Variants in CERT1 observed in about 807,000 individuals in gnomAD.
CERT1 encodes the protein ceramide transporter 1.
In CERT1, 31 loss-of-function variants were observed where a neutral mutation model predicts 87.9. That is an observed-to-expected ratio of 0.35 (90% confidence interval 0.27 to 0.48). The LOEUF (loss-of-function observed/expected upper bound fraction) is 0.48, where lower values mean the gene tolerates loss of function less well. Ranked by LOEUF, CERT1 falls within the 20% of genes least tolerant of loss-of-function variation. The pLI is 0.99. For missense variants in CERT1, 487 were observed against 758.0 expected (o/e 0.64, Z 4.20); for synonymous variants, 289 against 250.9 (o/e 1.15, Z -1.44).
intron 2 of CERT1, among the ~76,000 whole-genome samples, chr5:75,481,966 A>G (rs1766267427): frequency 6.6e-6 from 1 of 152,206 alleles, no homozygotes; most frequent in South Asian, 2.1e-4. Context: ...CCCAAAATAT[A>G]TTTTTACAAT....
chr5:75,389,507 C>T (rs1234485309), intron 12 of CERT1, 85 bp downstream of exon 12: 1 of 972,600 alleles, frequency 1.0e-6, no homozygotes, highest in African/African-American at 1.6e-5. Context: ...GTTGAAAGTG[C>T]TATCCTTATT....
chr5:75,449,080 C>T (rs1363941136), intron 3 of CERT1, among the ~76,000 whole-genome samples: 1 of 152,160 alleles, frequency 6.6e-6, no homozygotes, highest in African/African-American at 2.4e-5. Flanking sequence ...CTACCCCTTC[C>T]TTTAAACTTT....
intron 17 of CERT1, chr5:75,369,567 T>A (rs1761012303): frequency 1.3e-5 from 2 of 151,546 alleles, no homozygotes; most frequent in African/African-American, 4.8e-5. Context: ...CCCAACCTGT[T>A]CCCTCATCTG....
chr5:75,396,716 C>T (rs574414768), intron 11 of CERT1, among the ~76,000 whole-genome samples: 4 of 127,456 alleles, frequency 3.1e-5, no homozygotes, highest in East Asian at 4.3e-4. Flanking sequence ...GCAACAAAAG[C>T]GAAACTCCGT....
At chr5:75,419,472 T>C (rs747803066) in intron 5 of CERT1, 48 bp from the exon 6 acceptor site, 19 of 1,244,900 alleles carry the variant, frequency 1.5e-5, no homozygotes, top group Non-Finnish European at 2.2e-5. Context: ...AAATAGAAAT[T>C]AATGTCTATT....
At chr5:75,504,182 C>T (rs369875280) in intron 2 of CERT1, among the ~76,000 whole-genome samples, 4 of 152,000 alleles carry the variant, frequency 2.6e-5, no homozygotes, top group East Asian at 3.9e-4. Flanking sequence ...ACTTCAAGAT[C>T]GCAAGGTACA....
chr5:75,464,388 A>G (rs563368885), intron 2 of CERT1, among the ~76,000 whole-genome samples: 1 of 152,198 alleles, frequency 6.6e-6, no homozygotes, highest in East Asian at 1.9e-4. Flanking sequence ...CCTACTCTCC[A>G]CCCTCTGGAC....
rs548834630 is a variant in CERT1, at chr5:75,440,333, A to G, written c.349-13855T>C. 4.0e-4 allele frequency among the ~76,000 whole-genome samples: 61 copies of G among 152,254 alleles called. No homozygotes were observed. In the South Asian group the frequency reaches 5.8e-3, roughly 14 times the overall value. ...CAATGGTCTAAAACCTAGGTACAGT[A>G]CAATTAACTTCACTGAATACCCTAT... is the stretch of plus-strand genomic sequence containing the variant. On this transcript the variant is annotated intron_variant, in intron 3 of 16. Transcript: ENST00000643780.
intron 2 of CERT1, among the ~76,000 whole-genome samples, chr5:75,491,084 T>C (rs73120824): frequency 0.078 from 11,907 of 152,190 alleles, 1,104 homozygotes; most frequent in African/African-American, 0.22. Flanking sequence ...TTAGTTGATT[T>C]GTATGAATTT....
At position 75,382,018 on chromosome 5, in the gene CERT1, T is replaced by C. The variant is rs1231303971; in HGVS notation, c.1548A>G (p.Pro516=). Residue 516 remains proline (P), a synonymous_variant, in exon 15 of 17, where the codon CCA becomes CCG. Transcript: ENST00000643780. ...TTTCAGGGTCATTTTCAGTCAAGGC[T>C]GGTATCTTTCGAATGACAGAAAGAT... ...VLYLSVIRKI[P]ALTENDPETW... 1.2e-6 allele frequency: 2 copies of C among 1,613,978 alleles called. No individual in the cohort carries two copies. Among genetic ancestry groups the C allele is most frequent in the Admixed American group, 3.3e-5 (2 of 60,030 alleles).
chr5:75,495,058 A>C lies in CERT1; in HGVS notation c.231+10924T>G, dbSNP rs566621505. ...ATTATCACTTTACAGACTGCCTTAA[A>C]ATCTAGATAAGATTCAACTGGTCAT... is the stretch of plus-strand genomic sequence containing the variant. On this transcript the variant is annotated intron_variant, in intron 2 of 16. Transcript: ENST00000643780. 6.8e-4 allele frequency among the ~76,000 whole-genome samples: 103 copies of C among 152,350 alleles called. 1 individual carries two copies. The highest frequency in any genetic ancestry group is 1.6e-3 in the Admixed American group (25 of 15,312).
chr5:75,463,377 G>T (rs1765320307), intron 2 of CERT1, among the ~76,000 whole-genome samples: 1 of 151,928 alleles, frequency 6.6e-6, no homozygotes, highest in African/African-American at 2.4e-5. Flanking sequence ...CCCTCCCGAA[G>T]AACCAAGTAT....
Position 75,511,424 on chromosome 5 carries a change from C to T in CERT1, c.-217G>A. On this transcript the variant is annotated 5_prime_UTR_variant, in exon 1 of 17. Coordinates refer to ENST00000643780, the MANE Select transcript of CERT1 (RefSeq NM_001379029.1). ...GAAGGAGGACGAGCGGTGAAGGAAGCCTACCCTTCCAGCCGTCAGCCGCCG... is the reference window on the plus strand; with the variant it reads ...GAAGGAGGACGAGCGGTGAAGGAAGTCTACCCTTCCAGCCGTCAGCCGCCG... 1.3e-6 allele frequency: 2 copies of T among 1,542,258 alleles called. No homozygotes were observed.
rs544414001 is a variant in CERT1 at position 75,442,787 on chromosome 5, GAA to G, written c.348+16276_348+16277del. Among the ~76,000 whole-genome samples the G allele has an allele frequency of 2.0e-5, 3 of 152,216 alleles. No homozygotes were observed. The South Asian group carries it at 6.2e-4, about 32-fold the overall frequency. ...GAGGGGGAAATAGGGGGAGAGAACG[GAA>G]AAGAGAGAAAGAGCCAGAGTGAGCA... On this transcript the variant is annotated intron_variant, in intron 3 of 16. Transcript: ENST00000643780.
intron 3 of CERT1, among the ~76,000 whole-genome samples, chr5:75,453,307 A>G (rs1227497376): frequency 6.6e-6 from 1 of 152,202 alleles, no homozygotes; most frequent in Non-Finnish European, 1.5e-5. Flanking sequence ...TATTTCAAAT[A>G]AAAAATTTGC....
At chr5:75,432,632 CTT>C (rs1763920234) in intron 3 of CERT1, among the ~76,000 whole-genome samples, 1 of 151,494 alleles carries the variant, frequency 6.6e-6, no homozygotes, top group Non-Finnish European at 1.5e-5. Flanking sequence ...TTGGCAAATA[CTT>C]TCTCTCTTTC....
At chr5:75,379,513 T>C in intron 16 of CERT1, 40 bp from the exon 17 acceptor site, 1 of 1,579,758 alleles carries the variant, frequency 6.3e-7, no homozygotes, top group Non-Finnish European at 8.6e-7. Flanking sequence ...TAAGATACAA[T>C]TCTCCAAACA....
chr5:75,479,814 G>A (rs889170507), intron 2 of CERT1, among the ~76,000 whole-genome samples: 3 of 152,086 alleles, frequency 2.0e-5, no homozygotes, highest in Non-Finnish European at 4.4e-5. Flanking sequence ...TTCAGTAATG[G>A]AATTGCTGGG....
chr5:75,438,486 G>A (rs755795769), intron 3 of CERT1, among the ~76,000 whole-genome samples: 14 of 152,100 alleles, frequency 9.2e-5, no homozygotes, highest in African/African-American at 1.4e-4. Flanking sequence ...TTTGTAACAT[G>A]CTTTCAAAAT....
Sources: gnomAD v4.1 joint callset for allele counts (sites outside exome capture counted in the v4.1 genomes callset) on GRCh38, gnomAD v4.1.1 for gene constraint, MANE v1.5 for transcripts, NCBI Gene and HGNC (gene_info 2026-07-23, HGNC 2026-07-21) for gene names.